Variants in KCNMA1 observed in about 807,000 individuals in gnomAD.
The protein encoded by KCNMA1 is Calcium-activated potassium channel subunit alpha-1.
Under a neutral mutation model 140.0 loss-of-function variants are expected in KCNMA1, and 29 were observed. The observed-to-expected ratio is 0.21, with a 90% confidence interval of 0.15 to 0.28. KCNMA1 has a LOEUF of 0.28. Ranked by LOEUF, KCNMA1 falls within the 10% of genes least tolerant of loss-of-function variation. KCNMA1 has a pLI of 1.00. For synonymous variants in KCNMA1, 612 were observed against 611.9 expected (o/e 1.00, Z 0.00); for missense variants, 880 against 1,602.2 (o/e 0.55, Z 7.70).
intron 14 of KCNMA1, among the ~76,000 whole-genome samples, chr10:77,056,007 A>G (rs1256534756): frequency 6.6e-6 from 1 of 152,238 alleles, no homozygotes; most frequent in Non-Finnish European, 1.5e-5. Flanking sequence ...AGATCCAAAT[A>G]GCACTGCCAA....
At chr10:77,250,119 A>G (rs2154250509) in intron 3 of KCNMA1, 1 of 152,350 alleles carries the variant, frequency 6.6e-6, no homozygotes, top group African/African-American at 2.4e-5. Context: ...TTAGCTGTGC[A>G]TGAAATTACC....
intron 3 of KCNMA1, among the ~76,000 whole-genome samples, chr10:77,245,078 GA>G (rs925274100): frequency 0.014 from 1,973 of 144,624 alleles, 36 homozygotes; most frequent in African/African-American, 0.044. Context: ...ATTTTAAAAG[GA>G]AAAAAAAAAA....
At chr10:77,157,146 T>G (rs781140204) in intron 5 of KCNMA1, among the ~76,000 whole-genome samples, 1 of 152,114 alleles carries the variant, frequency 6.6e-6, no homozygotes, top group Non-Finnish European at 1.5e-5. Context: ...TTTTATTTTT[T>G]AAAAAAACAT....
At chr10:77,047,335 C>T (rs1038060639) in intron 14 of KCNMA1, among the ~76,000 whole-genome samples, 2 of 152,168 alleles carry the variant, frequency 1.3e-5, no homozygotes, top group African/African-American at 4.8e-5. Flanking sequence ...TTCCATCAGG[C>T]ATTATGAAAA....
rs2040288741 is a variant in KCNMA1 at position 77,195,863 on chromosome 10, G to A, written c.603-10947C>T. 2.0e-5 allele frequency among the ~76,000 whole-genome samples: 3 copies of A among 152,140 alleles called. No homozygotes were observed. In the South Asian group the frequency reaches 6.2e-4, roughly 32 times the overall value. On this transcript the variant is annotated intron_variant, in intron 3 of 27. Coordinates refer to ENST00000286628, the MANE Select transcript of KCNMA1 (RefSeq NM_001161352.2). The stretch of plus-strand genomic sequence containing the variant: ...ACTCGGGAGGCTGAGGCAGGAGAAT[G>A]GTTTGAACTCGGGTGGTAGAGGTTG...
At chr10:77,324,969 CTCTGTGTGTGTG>C (rs1356994138) in intron 2 of KCNMA1, among the ~76,000 whole-genome samples, 4 of 95,086 alleles carry the variant, frequency 4.2e-5, no homozygotes, top group African/African-American at 5.3e-5. Flanking sequence ...CTCTCTCTCT[CTCTGTGTGTGTG>C]TGTGTGTGTG....
chr10:76,873,765 T>C (rs1021023571), downstream of KCNMA1: 3 of 152,340 alleles, frequency 2.0e-5, no homozygotes, highest in Non-Finnish European at 4.4e-5. Context: ...CTCAATTTCT[T>C]CCTTCCTTCC....
chr10:77,126,566 C>T (rs189902262), intron 5 of KCNMA1, among the ~76,000 whole-genome samples: 18 of 152,182 alleles, frequency 1.2e-4, no homozygotes, highest in African/African-American at 4.3e-4. Flanking sequence ...AGGGTACAGC[C>T]CAAATCCCCT....
At chr10:76,876,925 C>G (rs1046189377), downstream of KCNMA1, 5 of 152,468 alleles carry the variant, frequency 3.3e-5, no homozygotes, top group African/African-American at 1.2e-4. Flanking sequence ...ACCACTAGAA[C>G]AGCAAACAGA....
intron 1 of KCNMA1, among the ~76,000 whole-genome samples, chr10:77,450,929 C>T (rs954594971): frequency 6.6e-6 from 1 of 152,204 alleles, no homozygotes; most frequent in Non-Finnish European, 1.5e-5. Flanking sequence ...GAATAGGTCT[C>T]ATGAGATCTG....
intron 2 of KCNMA1, among the ~76,000 whole-genome samples, chr10:77,287,665 AAG>A (rs369112485): frequency 6.6e-6 from 1 of 151,790 alleles, no homozygotes; most frequent in African/African-American, 2.4e-5. Context: ...ATCTCCTGCA[AAG>A]AGAGAGAGAG....
intron 1 of KCNMA1, among the ~76,000 whole-genome samples, chr10:77,601,412 G>C (rs1433578775): frequency 6.6e-6 from 1 of 152,194 alleles, no homozygotes; most frequent in African/African-American, 2.4e-5. Context: ...AATGTGTGAT[G>C]TCCACTCTCT....
chr10:77,607,970 C>T (rs529297479), intron 1 of KCNMA1, among the ~76,000 whole-genome samples: 1 of 152,264 alleles, frequency 6.6e-6, no homozygotes, highest in African/African-American at 2.4e-5. Flanking sequence ...CTTCCCGTAA[C>T]ATATTGTCAT....
At chr10:77,437,570 G>T (rs2097291612) in intron 1 of KCNMA1, among the ~76,000 whole-genome samples, 1 of 152,266 alleles carries the variant, frequency 6.6e-6, no homozygotes, top group African/African-American at 2.4e-5. Flanking sequence ...AGGGGAACTT[G>T]GTTTGTGATA....
intron 1 of KCNMA1, among the ~76,000 whole-genome samples, chr10:77,436,494 C>T (rs1486536948): frequency 6.6e-6 from 1 of 152,228 alleles, no homozygotes; most frequent in Non-Finnish European, 1.5e-5. Context: ...GGGGAGGGAA[C>T]TGGAATCTCT....
intron 12 of KCNMA1, chr10:77,079,791 T>C: frequency 1.8e-6 from 1 of 564,426 alleles, no homozygotes; most frequent in Non-Finnish European, 3.2e-6. Context: ...ACCATTGCCA[T>C]GGCAACACCC....
chr10:77,438,329 G>T (rs1566851103), intron 1 of KCNMA1, among the ~76,000 whole-genome samples: 1 of 152,164 alleles, frequency 6.6e-6, no homozygotes, highest in Non-Finnish European at 1.5e-5. Context: ...CACTTTGGGA[G>T]GCCAAGGCGG....
At chr10:77,553,673 G>T (rs73284501) in intron 1 of KCNMA1, among the ~76,000 whole-genome samples, 6,859 of 152,276 alleles carry the variant, frequency 0.045, 528 homozygotes, top group African/African-American at 0.16. Flanking sequence ...TACTCCCAGG[G>T]GATGCCCCAT....
intron 1 of KCNMA1, among the ~76,000 whole-genome samples, chr10:77,470,053 G>C (rs2098118290): frequency 6.6e-6 from 1 of 152,142 alleles, no homozygotes; most frequent in Non-Finnish European, 1.5e-5. Flanking sequence ...GTGAGAAGGA[G>C]GCCAGGGTCG....
Sources: gnomAD v4.1 joint callset for allele counts (sites outside exome capture counted in the v4.1 genomes callset) on GRCh38, gnomAD v4.1.1 for gene constraint, MANE v1.5 for transcripts, NCBI Gene and HGNC (gene_info 2026-07-23, HGNC 2026-07-21) for gene names.